Variants in GLIS3 observed in about 807,000 individuals in gnomAD.
The protein encoded by GLIS3 is zinc finger protein GLIS3.
In GLIS3, 53 loss-of-function variants were observed where a neutral mutation model predicts 78.6. The ratio of observed to expected loss-of-function variants is 0.67; its 90% CI spans 0.54 to 0.85. The LOEUF (loss-of-function observed/expected upper bound fraction) is 0.85. GLIS3 is among the 40% of genes least tolerant of loss of function. GLIS3 has a pLI of 0.00. For synonymous variants in GLIS3, 684 were observed against 509.9 expected (o/e 1.34, Z -4.60); for missense variants, 1,703 against 1,231.1 (o/e 1.38, Z -5.74).
intron 2 of GLIS3, among the ~76,000 whole-genome samples, chr9:4,172,188 T>G (rs1207230037): frequency 6.6e-6 from 1 of 152,210 alleles, no homozygotes; most frequent in African/African-American, 2.4e-5. Context: ...ATGTATTTCT[T>G]ATTTACTTGG....
intron 4 of GLIS3, among the ~76,000 whole-genome samples, chr9:4,109,970 G>C (rs12349012): frequency 0.028 from 4,292 of 152,178 alleles, 219 homozygotes; most frequent in African/African-American, 0.099. Context: ...TCTTCCCCTA[G>C]TTTTCCCATT....
At chr9:4,375,069 C>G in the GLIS3 span, among the ~76,000 whole-genome samples, 4 of 152,192 alleles carry the variant, frequency 2.6e-5, no homozygotes, top group African/African-American at 9.7e-5. Flanking sequence ...TGATTGCTCT[C>G]TGCTTGATCT....
chr9:4,256,036 A>T (rs1330071239), intron 2 of GLIS3, among the ~76,000 whole-genome samples: 1 of 150,756 alleles, frequency 6.6e-6, no homozygotes. Flanking sequence ...AACTAAGTCT[A>T]TTTTTTTTTT....
chr9:4,314,307 C>G (rs1817407864), intron 2 of GLIS3, among the ~76,000 whole-genome samples: 2 of 152,220 alleles, frequency 1.3e-5, no homozygotes, highest in Non-Finnish European at 2.9e-5. Flanking sequence ...GTCCAGTGCT[C>G]TTTCTCCCAG....
intron 4 of GLIS3, among the ~76,000 whole-genome samples, chr9:4,060,539 G>C (rs1056714666): frequency 6.6e-6 from 1 of 152,114 alleles, no homozygotes; most frequent in Admixed American, 6.6e-5. Flanking sequence ...TGAATGATGG[G>C]TTAATGTATT....
At chr9:4,226,840 T>C (rs772934088) in intron 2 of GLIS3, among the ~76,000 whole-genome samples, 5 of 152,246 alleles carry the variant, frequency 3.3e-5, no homozygotes, top group Non-Finnish European at 5.9e-5. Flanking sequence ...GTTTACACCA[T>C]GGCCTCAGTA....
intron 2 of GLIS3, among the ~76,000 whole-genome samples, chr9:4,191,478 A>T (rs1818328325): frequency 6.6e-6 from 1 of 152,222 alleles, no homozygotes; most frequent in Non-Finnish European, 1.5e-5. Context: ...GTCTACATTA[A>T]ACATTTCTGT....
chr9:4,454,573 A>T, the GLIS3 span, among the ~76,000 whole-genome samples: 2 of 152,166 alleles, frequency 1.3e-5, no homozygotes, highest in Non-Finnish European at 2.9e-5. Context: ...TGAAAGGGTA[A>T]ATCTAGGAGA....
rs117208569 is a variant in GLIS3 at position 4,268,040 on chromosome 9, C to T, written c.388+17998G>A. ...AGATGTGTATATATGTGCATACACA[C>T]GTGCGTGCGTGCGCACACACACACA... On this transcript the variant is annotated intron_variant, in intron 2 of 10. Transcript: ENST00000381971. Among the ~76,000 whole-genome samples the T allele has an allele frequency of 7.2e-4, 109 of 151,876 alleles. 1 individual carries two copies. In the East Asian group the frequency reaches 0.019, roughly 26 times the overall value.
chr9:4,319,767 T>G (rs73386231), intron 2 of GLIS3, among the ~76,000 whole-genome samples: 7,779 of 152,198 alleles, frequency 0.051, 684 homozygotes, highest in African/African-American at 0.18. Flanking sequence ...GCCCTCAAGC[T>G]ATCCTCCCAC....
At chr9:4,115,488 T>G (rs1367460194) in intron 4 of GLIS3, among the ~76,000 whole-genome samples, 1 of 152,188 alleles carries the variant, frequency 6.6e-6, no homozygotes, top group African/African-American at 2.4e-5. Flanking sequence ...AATATGTGTT[T>G]TGCAAAAGGC....
intron 6 of GLIS3, among the ~76,000 whole-genome samples, chr9:3,918,198 T>G (rs1276125675): frequency 6.6e-6 from 1 of 152,234 alleles, no homozygotes; most frequent in African/African-American, 2.4e-5. Context: ...TTCAGGACTA[T>G]CCTGAATATT....
chr9:4,057,907 T>TA (rs1435907091), intron 4 of GLIS3, among the ~76,000 whole-genome samples: 2 of 152,090 alleles, frequency 1.3e-5, no homozygotes, highest in Non-Finnish European at 2.9e-5. Context: ...TTTTCACATG[T>TA]AAAAAAACAA....
At chr9:4,012,590 A>T (rs566548301) in intron 4 of GLIS3, among the ~76,000 whole-genome samples, 1 of 152,158 alleles carries the variant, frequency 6.6e-6, no homozygotes, top group Admixed American at 6.5e-5. Flanking sequence ...TTTCTGTTGG[A>T]CTAGTGTGTA....
intron 4 of GLIS3, among the ~76,000 whole-genome samples, chr9:3,984,445 G>C (rs911678845): frequency 2.6e-5 from 4 of 152,214 alleles, no homozygotes; most frequent in Admixed American, 6.5e-5. Context: ...TTTGGGAATT[G>C]CATGGGCCCT....
chr9:3,888,627 C>A (rs1197978707), intron 7 of GLIS3, among the ~76,000 whole-genome samples: 1 of 152,120 alleles, frequency 6.6e-6, no homozygotes, highest in Non-Finnish European at 1.5e-5. Flanking sequence ...GAGCCCTGGG[C>A]GAAACTGCAT....
the GLIS3 span, among the ~76,000 whole-genome samples, chr9:4,425,467 G>A: frequency 6.6e-6 from 1 of 152,296 alleles, no homozygotes; most frequent in South Asian, 2.1e-4. Flanking sequence ...GAATGGCAGG[G>A]CCTGCCAGGC....
chr9:4,010,415 C>T (rs1563944836), intron 4 of GLIS3, among the ~76,000 whole-genome samples: 1 of 152,140 alleles, frequency 6.6e-6, no homozygotes, highest in Admixed American at 6.5e-5. Context: ...AGTTAGCATT[C>T]CTCTCCCCTT....
At chr9:4,310,686 T>C (rs1817336411) in intron 2 of GLIS3, among the ~76,000 whole-genome samples, 1 of 152,122 alleles carries the variant, frequency 6.6e-6, no homozygotes, top group Admixed American at 6.5e-5. Context: ...CAAGCATGTG[T>C]GACACCAAGG....
Sources: gnomAD v4.1 joint callset for allele counts (sites outside exome capture counted in the v4.1 genomes callset) on GRCh38, gnomAD v4.1.1 for gene constraint, MANE v1.5 for transcripts, NCBI Gene and HGNC (gene_info 2026-07-23, HGNC 2026-07-21) for gene names.